Variants in RGS20 observed in about 807,000 individuals in gnomAD.
RGS20 encodes the protein gz-selective GTPase-activating protein.
In RGS20, 30 loss-of-function variants were observed where a neutral mutation model predicts 33.6. The ratio of observed to expected loss-of-function variants is 0.89; its 90% CI spans 0.67 to 1.21. RGS20 has a LOEUF of 1.21. Ranked by LOEUF, RGS20 falls within the 50% of genes most tolerant of loss-of-function variation. The pLI, the probability that RGS20 is intolerant of heterozygous loss-of-function variation, is 0.00. For synonymous variants in RGS20, 208 were observed against 197.9 expected (o/e 1.05, Z -0.43); for missense variants, 472 against 502.4 (o/e 0.94, Z 0.58).
intron 2 of RGS20, among the ~76,000 whole-genome samples, chr8:53,931,255 T>A (rs766801599): frequency 9.2e-5 from 14 of 152,112 alleles, no homozygotes; most frequent in Admixed American, 6.6e-5. Flanking sequence ...GTCCTGAAAC[T>A]TACATGCAAG....
chr8:53,939,689 C>G lies in RGS20; in HGVS notation c.624C>G (p.Cys208Trp). The change falls in exon 3 of 6, where the codon TGC becomes TGG. Residue 208 changes from cysteine (C) to tryptophan (W), a missense_variant. Cys to Trp is a radical substitution (Grantham distance 215). Coordinates refer to ENST00000297313, the MANE Select transcript of RGS20 (RefSeq NM_170587.4). ...CGGGGAGTCGCGGGTCCAACGCATGCTGCTTCTGCTGGTGCTGCTGTTGTA... is the reference window on the plus strand; with the variant it reads ...CGGGGAGTCGCGGGTCCAACGCATGGTGCTTCTGCTGGTGCTGCTGTTGTA... 1.3e-6 allele frequency: 2 copies of G among 1,567,566 alleles called. No homozygotes were observed. Among genetic ancestry groups the G allele is most frequent in the Admixed American group, 1.9e-5 (1 of 51,804 alleles).
At chr8:53,941,768 T>C (rs1278520251) in intron 3 of RGS20, among the ~76,000 whole-genome samples, 1 of 152,140 alleles carries the variant, frequency 6.6e-6, no homozygotes, top group East Asian at 1.9e-4. Context: ...AAATGAACTA[T>C]TCAGTAAATA....
At chr8:53,852,776 T>C (rs73680328) in intron 1 of RGS20, among the ~76,000 whole-genome samples, 6,792 of 152,262 alleles carry the variant, frequency 0.045, 450 homozygotes, top group African/African-American at 0.15. Flanking sequence ...GCTGCAAAAC[T>C]ATAAAACTGT....
intron 2 of RGS20, among the ~76,000 whole-genome samples, chr8:53,922,835 A>AT (rs1310267057): frequency 3.3e-5 from 5 of 151,876 alleles, no homozygotes; most frequent in Admixed American, 1.3e-4. Flanking sequence ...AATTTTTTAA[A>AT]TTTTTTGTAG....
Position 53,936,687 on chromosome 8 carries a change from T to C in RGS20, c.511-2889T>C, listed in dbSNP as rs1814145523. On this transcript the variant is annotated intron_variant, in intron 2 of 5. Transcript: ENST00000297313. ...TGGCCATACTGCCCAAAGTAATTGA[T>C]AGATTCAATGCCGTCCCCATCAAGC... Among the ~76,000 whole-genome samples the C allele has an allele frequency of 3.9e-5, 6 of 152,154 alleles. 1 individual carries two copies. Among genetic ancestry groups the C allele is most frequent in the Admixed American group, 3.9e-4 (6 of 15,272 alleles).
chr8:53,876,892 G>A (rs1248399913), intron 1 of RGS20, among the ~76,000 whole-genome samples: 1 of 152,204 alleles, frequency 6.6e-6, no homozygotes, highest in Non-Finnish European at 1.5e-5. Flanking sequence ...TCCACCACTT[G>A]CCTCACAAGA....
At chr8:53,910,350 A>G (rs1813317514) in intron 2 of RGS20, among the ~76,000 whole-genome samples, 1 of 152,188 alleles carries the variant, frequency 6.6e-6, no homozygotes, top group Non-Finnish European at 1.5e-5. Flanking sequence ...GATGTTCAAC[A>G]TTATCAGTCA....
At chr8:53,864,022 C>G (rs1002990944) in intron 1 of RGS20, among the ~76,000 whole-genome samples, 1 of 152,054 alleles carries the variant, frequency 6.6e-6, no homozygotes, top group East Asian at 1.9e-4. Context: ...ATTTTATCTT[C>G]TATAAAATCA....
chr8:53,880,933 AG>A, intron 2 of RGS20: 1 of 1,553,738 alleles, frequency 6.4e-7, no homozygotes, highest in Non-Finnish European at 8.6e-7. Context: ...AGCCGGAGAA[AG>A]GCGAAAGGCG....
intron 2 of RGS20, among the ~76,000 whole-genome samples, chr8:53,886,183 T>A (rs1812543112): frequency 6.6e-6 from 1 of 152,174 alleles, no homozygotes; most frequent in African/African-American, 2.4e-5. Context: ...CACGGCACCA[T>A]CTGAGATGGT....
At position 53,939,738 on chromosome 8, in the gene RGS20, C is replaced by T. The variant is rs1814237012; in HGVS notation, c.659+14C>T. On this transcript the variant is annotated intron_variant, in intron 3 of 5. Transcript: ENST00000297313. ...TAGCTGCTCGTGGTAAGGTTTGGGG[C>T]TTTTTAATGAATGTGCTCCTGACTG... The T allele has an allele frequency of 1.3e-6, 2 of 1,545,490 alleles. No individual in the cohort carries two copies. The highest frequency in any genetic ancestry group is 2.0e-5 in the Admixed American group (1 of 50,148).
intron 2 of RGS20, among the ~76,000 whole-genome samples, chr8:53,917,971 C>G (rs1813537132): frequency 6.6e-6 from 1 of 152,184 alleles, no homozygotes; most frequent in African/African-American, 2.4e-5. Flanking sequence ...ATTTCATGTA[C>G]AAGTATTATA....
intron 1 of RGS20, among the ~76,000 whole-genome samples, chr8:53,870,700 G>A (rs1008351907): frequency 4.0e-5 from 6 of 151,816 alleles, no homozygotes; most frequent in East Asian, 1.9e-4. Context: ...TGGCTGTGTC[G>A]GTGGCTTTGA....
intron 5 of RGS20, among the ~76,000 whole-genome samples, chr8:53,954,711 G>A (rs1814812723): frequency 6.9e-6 from 1 of 144,242 alleles, no homozygotes; most frequent in African/African-American, 2.6e-5. Flanking sequence ...TTTTTGAGAT[G>A]GAGTCTCACT....
intron 5 of RGS20, among the ~76,000 whole-genome samples, chr8:53,954,838 C>T: frequency 6.6e-6 from 1 of 150,918 alleles, no homozygotes; most frequent in Non-Finnish European, 1.5e-5. Context: ...TAGGTGCGCA[C>T]CACCAGGCCT....
intron 2 of RGS20, among the ~76,000 whole-genome samples, chr8:53,911,598 A>G (rs969411043): frequency 6.6e-6 from 1 of 152,116 alleles, no homozygotes; most frequent in African/African-American, 2.4e-5. Context: ...AACTACGTAG[A>G]AAAAATCGAA....
rs1051826272 is a variant in RGS20 at position 53,936,064 on chromosome 8, A to T, written c.511-3512A>T. ...AATTCAACACCCTTTCATGCTAAAA[A>T]CTCTCAATAAACTAGGTATTGATGG... is the stretch of plus-strand genomic sequence containing the variant. On this transcript the variant is annotated intron_variant, in intron 2 of 5. Coordinates refer to ENST00000297313, the MANE Select transcript of RGS20 (RefSeq NM_170587.4). 5.3e-5 allele frequency among the ~76,000 whole-genome samples: 8 copies of T among 152,280 alleles called. No homozygotes were observed. The Middle Eastern group carries it at 0.017, about 324-fold the overall frequency.
chr8:53,863,451 C>A (rs910889661), intron 1 of RGS20, among the ~76,000 whole-genome samples: 1 of 152,166 alleles, frequency 6.6e-6, no homozygotes, highest in African/African-American at 2.4e-5. Flanking sequence ...GGGAGTAGAA[C>A]AATGGCAAAT....
At chr8:53,858,659 G>C (rs1253622456) in intron 1 of RGS20, among the ~76,000 whole-genome samples, 1 of 152,014 alleles carries the variant, frequency 6.6e-6, no homozygotes, top group Non-Finnish European at 1.5e-5. Flanking sequence ...GAGAGGCAGG[G>C]AAGAGTGAAA....
Sources: allele counts gnomAD v4.1 joint callset (sites outside exome capture counted in the v4.1 genomes callset), GRCh38; gene constraint gnomAD v4.1.1; transcripts MANE v1.5; gene names NCBI Gene and HGNC (gene_info 2026-07-23, HGNC 2026-07-21).